The following SLC23A2 variants were observed in gnomAD, a reference collection of about 807,000 sequenced individuals.
The protein encoded by SLC23A2 is Na(+)/L-ascorbic acid transporter 2.
In SLC23A2, 36 loss-of-function variants were observed where a neutral mutation model predicts 73.3. The ratio of observed to expected loss-of-function variants is 0.49; its 90% CI spans 0.38 to 0.65. SLC23A2 has a LOEUF of 0.65. Ranked by LOEUF, SLC23A2 falls within the 30% of genes least tolerant of loss-of-function variation. The probability of loss-of-function intolerance (pLI) is 0.00; values close to 1 mark genes in which losing one functional copy is unlikely to be tolerated. For missense variants in SLC23A2, 507 were observed against 841.6 expected (o/e 0.60, Z 4.92); for synonymous variants, 343 against 327.3 (o/e 1.05, Z -0.52).
upstream of SLC23A2, among the ~76,000 whole-genome samples, chr20:5,004,661 A>C (rs992084719): frequency 6.6e-6 from 1 of 152,032 alleles, no homozygotes; most frequent in Non-Finnish European, 1.5e-5. Context: ...ACTAGGCAAC[A>C]TGGGGAGACC....
intron 3 of SLC23A2, among the ~76,000 whole-genome samples, chr20:4,926,510 C>CTTTTTTTT (rs3055953): frequency 1.1e-4 from 12 of 104,994 alleles, no homozygotes; most frequent in Non-Finnish European, 1.9e-4. Flanking sequence ...ATTTTTTTTG[C>CTTTTTTTT]TTTTTTTTTT....
chr20:4,923,603 G>A (rs900344300), intron 3 of SLC23A2, among the ~76,000 whole-genome samples: 3 of 152,132 alleles, frequency 2.0e-5, no homozygotes, highest in Admixed American at 1.3e-4. Flanking sequence ...TGGAATCATA[G>A]TCAATTCCAA....
At chr20:4,876,437 C>T (rs1338506159) in intron 9 of SLC23A2, among the ~76,000 whole-genome samples, 2 of 152,186 alleles carry the variant, frequency 1.3e-5, no homozygotes, top group African/African-American at 4.8e-5. Context: ...TGCTCTAAAA[C>T]CTCTCTACTT....
At chr20:4,886,081 G>C (rs908433148) in intron 6 of SLC23A2, 172 bp from the exon 7 acceptor site, 8 of 533,816 alleles carry the variant, frequency 1.5e-5, no homozygotes, top group African/African-American at 5.9e-5. Context: ...TGCAGCCACA[G>C]CCAGTGGCTT....
chr20:4,940,893 C>G (rs1048932573), intron 2 of SLC23A2, among the ~76,000 whole-genome samples: 1 of 152,176 alleles, frequency 6.6e-6, no homozygotes, highest in South Asian at 2.1e-4. Flanking sequence ...CGGTGGCTCA[C>G]GCCTGTAATC....
chr20:4,910,632 C>T (rs1220600055), intron 4 of SLC23A2, among the ~76,000 whole-genome samples: 1 of 152,068 alleles, frequency 6.6e-6, no homozygotes, highest in East Asian at 1.9e-4. Context: ...GACGGGGTTT[C>T]GCCATGTTGG....
chr20:4,936,963 C>T (rs2086970403), intron 2 of SLC23A2, among the ~76,000 whole-genome samples: 1 of 152,050 alleles, frequency 6.6e-6, no homozygotes, highest in Non-Finnish European at 1.5e-5. Flanking sequence ...CTGCAGGGCT[C>T]AGGAAGAGGG....
intron 5 of SLC23A2, among the ~76,000 whole-genome samples, chr20:4,900,670 G>A (rs1400198967): frequency 6.6e-6 from 1 of 152,174 alleles, no homozygotes; most frequent in Admixed American, 6.5e-5. Context: ...TCCAGTCAGG[G>A]CAGGGTTAAG....
intron 2 of SLC23A2, among the ~76,000 whole-genome samples, chr20:4,948,200 C>T (rs1452840303): frequency 2.0e-5 from 3 of 152,206 alleles, no homozygotes; most frequent in Non-Finnish European, 4.4e-5. Flanking sequence ...GCTCTTCAGA[C>T]CATGTCATTC....
At chr20:4,895,754 T>C (rs1931494149) in intron 6 of SLC23A2, among the ~76,000 whole-genome samples, 1 of 152,190 alleles carries the variant, frequency 6.6e-6, no homozygotes, top group Non-Finnish European at 1.5e-5. Flanking sequence ...TCACTTGCAA[T>C]GGCCATGCGT....
intron 2 of SLC23A2, among the ~76,000 whole-genome samples, chr20:4,967,531 C>A (rs1338456780): frequency 1.3e-5 from 2 of 152,158 alleles, no homozygotes; most frequent in African/African-American, 4.8e-5. Flanking sequence ...GTGAAACCAC[C>A]CAATTTCTCC....
In SLC23A2 at chr20:4,998,126, G is replaced by A. The variant is rs1325283014; in HGVS notation, c.-282+3280C>T. Among the ~76,000 whole-genome samples, 1 of 152,094 alleles carries A rather than the reference G, an allele frequency of 6.6e-6. No homozygotes were observed. The highest frequency in any genetic ancestry group is 1.5e-5 in the Non-Finnish European group (1 of 68,012). On this transcript the variant is annotated intron_variant, in intron 1 of 16. Transcript: ENST00000338244. This position sits in a 1 kb window ranked among gnomAD's most constrained non-coding sequence, Gnocchi z 4.1. ...TATTTTTGTTATGGCAGTGTTAGCA[G>A]ACTCATATACCTTCCTCCCTGTCTA... is the stretch of plus-strand genomic sequence containing the variant.
chr20:4,985,824 C>T (rs1461889799), intron 1 of SLC23A2, among the ~76,000 whole-genome samples: 1 of 152,084 alleles, frequency 6.6e-6, no homozygotes, highest in Non-Finnish European at 1.5e-5. Flanking sequence ...ATTAGTGTTG[C>T]CAGAGGCTGG....
chr20:4,905,100 A>G (rs1288014373), intron 4 of SLC23A2, among the ~76,000 whole-genome samples: 4 of 131,106 alleles, frequency 3.1e-5, no homozygotes, highest in Non-Finnish European at 1.6e-5. Context: ...GGCAACAGAG[A>G]GAGATTCTGT....
intron 13 of SLC23A2, among the ~76,000 whole-genome samples, chr20:4,867,212 G>A (rs868145391): frequency 4.7e-4 from 71 of 151,998 alleles, no homozygotes; most frequent in African/African-American, 1.5e-3. Context: ...TCCCTGACCC[G>A]CACTGGCCTC....
chr20:4,865,827 TA>T (rs1311201414), intron 13 of SLC23A2, among the ~76,000 whole-genome samples: 4 of 151,890 alleles, frequency 2.6e-5, no homozygotes, highest in Admixed American at 1.3e-4. Context: ...TTTATTTATA[TA>T]TTTTTTTTTA....
intron 1 of SLC23A2, among the ~76,000 whole-genome samples, chr20:4,973,898 T>C (rs1181582418): frequency 2.0e-5 from 3 of 152,200 alleles, no homozygotes; most frequent in Non-Finnish European, 4.4e-5. Context: ...ACATACTACA[T>C]GCTGTGGTTT....
intron 6 of SLC23A2, among the ~76,000 whole-genome samples, chr20:4,892,875 G>A (rs544372640): frequency 6.6e-5 from 10 of 152,206 alleles, no homozygotes; most frequent in African/African-American, 2.2e-4. Context: ...AAGGAGACTG[G>A]TTTAGAGAGG....
chr20:4,911,292 T>G (rs1393271988), intron 4 of SLC23A2, among the ~76,000 whole-genome samples: 1 of 152,176 alleles, frequency 6.6e-6, no homozygotes, highest in Non-Finnish European at 1.5e-5. Flanking sequence ...CTACTTTAAT[T>G]AACCTCCATA....
Sources: gnomAD v4.1 joint callset for allele counts (sites outside exome capture counted in the v4.1 genomes callset) on GRCh38, gnomAD v4.1.1 for gene constraint, Gnocchi (gnomAD v3.1) non-coding constraint, MANE v1.5 for transcripts, NCBI Gene and HGNC (gene_info 2026-07-23, HGNC 2026-07-21) for gene names.